POLK: variants seen among roughly 807,000 people sequenced by gnomAD.
POLK encodes DNA polymerase kappa.
A neutral mutation model predicts 94.0 loss-of-function variants in POLK; 76 were observed. That is an observed-to-expected ratio of 0.81 (90% CI 0.67 to 0.98). The LOEUF (loss-of-function observed/expected upper bound fraction) is 0.98, where lower values mean the gene tolerates loss of function less well. Among genes scored for constraint, POLK ranks in the 50% least tolerant of loss-of-function variants. POLK has a pLI of 0.00. For missense variants in POLK, 954 were observed against 1,010.1 expected (o/e 0.94, Z 0.75); for synonymous variants, 349 against 325.4 (o/e 1.07, Z -0.78).
rs138296662 is a variant in POLK, at chr5:75,522,545, A to G, written c.-14+10631A>G. Among the ~76,000 whole-genome samples, 755 of 152,340 alleles carry G rather than the reference A, an allele frequency of 5.0e-3. 5 individuals carry two copies. The highest frequency in any genetic ancestry group is 0.024 in the Middle Eastern group (7 of 294). On this transcript the variant is annotated intron_variant, in intron 1 of 14. Transcript: ENST00000241436. ...AGAAGACTGCAAAAATGAGGTTTCTATGCTTTTCTGCTTTCAAAGATGTTA... is the reference window on the plus strand; with the variant it reads ...AGAAGACTGCAAAAATGAGGTTTCTGTGCTTTTCTGCTTTCAAAGATGTTA...
exon 1 of POLK, chr5:75,511,790 A>G (rs202137230): frequency 1.4e-5 from 22 of 1,551,290 alleles, no homozygotes; most frequent in Non-Finnish European, 1.7e-5. Context: ...ACGGGTAGAA[A>G]AGCAGGAGGA....
chr5:75,551,383 A>G (rs1770323256), intron 2 of POLK, among the ~76,000 whole-genome samples: 1 of 152,094 alleles, frequency 6.6e-6, no homozygotes. Context: ...CCTGGGCAAC[A>G]TAATGAGACC....
Position 75,591,903 on chromosome 5 carries a change from C to T in POLK, c.1356+1463C>T, listed in dbSNP as rs563026746. Among the ~76,000 whole-genome samples, 46 of 152,214 alleles carry T rather than the reference C, an allele frequency of 3.0e-4. 1 individual carries two copies. The South Asian group carries it at 5.4e-3, about 18-fold the overall frequency. ...CATCCTATCATGGGGTGTATAATAG[C>T]CACATGATGTCATGGTTGATATTAA... On this transcript the variant is annotated intron_variant, in intron 11 of 14. Coordinates refer to ENST00000241436, the Ensembl canonical transcript of POLK.
intron 4 of POLK, 31 bp from the exon 5 acceptor site, chr5:75,573,707 A>G: frequency 1.3e-6 from 2 of 1,592,836 alleles, no homozygotes; most frequent in East Asian, 2.2e-5. Flanking sequence ...AGGTTTGTGT[A>G]TTTTTTTCCA....
intron 9 of POLK, 101 bp from the exon 10 acceptor site, chr5:75,586,925 A>T (rs1772501785): frequency 2.6e-6 from 2 of 772,168 alleles, no homozygotes; most frequent in South Asian, 3.5e-5. Flanking sequence ...TTAATAAAAA[A>T]TTTGAGAGCT....
intron 1 of POLK, chr5:75,512,757 A>T (rs375860111): frequency 5.3e-5 from 8 of 151,952 alleles, no homozygotes; most frequent in East Asian, 1.9e-4. Flanking sequence ...TGCCAAGAGT[A>T]AAATTTGTTA....
exon 3 of POLK, chr5:75,552,561 C>T (rs1033683379): frequency 1.9e-6 from 3 of 1,610,084 alleles, no homozygotes; most frequent in Admixed American, 1.7e-5. Flanking sequence ...CTCAAATCAC[C>T]AGCCAACAGC....
chr5:75,544,093 T>G (rs1769886227), intron 1 of POLK, among the ~76,000 whole-genome samples: 1 of 152,226 alleles, frequency 6.6e-6, no homozygotes, highest in East Asian at 1.9e-4. Context: ...TGCCTTGGCC[T>G]CACAAAGTGC....
chr5:75,536,939 T>A (rs1225426587), intron 1 of POLK, among the ~76,000 whole-genome samples: 1 of 152,118 alleles, frequency 6.6e-6, no homozygotes, highest in African/African-American at 2.4e-5. Flanking sequence ...GACAGAAAGC[T>A]GCATCCTTCA....
At chr5:75,512,099 C>T (rs1580885496) in intron 1 of POLK, 185 bp downstream of exon 1, 1 of 298,844 alleles carries the variant, frequency 3.3e-6, no homozygotes, top group Non-Finnish European at 6.3e-6. Context: ...GATGACGGGC[C>T]TGCTTTCCAG....
chr5:75,601,380 G>A (rs140971052), downstream of POLK, among the ~76,000 whole-genome samples: 76 of 151,542 alleles, frequency 5.0e-4, no homozygotes, highest in Admixed American at 3.1e-3. Flanking sequence ...TTTTTTTGCC[G>A]TTTGTGATGG....
At chr5:75,597,901 T>C (rs1773177738) in intron 14 of POLK, 33 bp from the exon 15 acceptor site, 2 of 1,217,976 alleles carry the variant, frequency 1.6e-6, no homozygotes, top group Non-Finnish European at 2.3e-6. Flanking sequence ...AATCTCTTCC[T>C]GCATTTTAAT....
chr5:75,543,009 C>CCTTA (rs1554054408), intron 1 of POLK, among the ~76,000 whole-genome samples: 3 of 133,956 alleles, frequency 2.2e-5, no homozygotes, highest in Non-Finnish European at 3.2e-5. Flanking sequence ...CCGCGCCCAG[C>CCTTA]CTTATTTATT....
chr5:75,527,900 A>T (rs548317306), intron 1 of POLK, among the ~76,000 whole-genome samples: 1 of 152,312 alleles, frequency 6.6e-6, no homozygotes, highest in Admixed American at 6.5e-5. Flanking sequence ...GAAACAACCT[A>T]ACTGCTGTCA....
chr5:75,525,137 T>A (rs1768773373), intron 1 of POLK, among the ~76,000 whole-genome samples: 1 of 152,164 alleles, frequency 6.6e-6, no homozygotes, highest in Non-Finnish European at 1.5e-5. Flanking sequence ...TTACTTGATA[T>A]ATGAGCCAGG....
At chr5:75,527,500 T>TAC (rs1485138400) in intron 1 of POLK, among the ~76,000 whole-genome samples, 64 of 116,078 alleles carry the variant, frequency 5.5e-4, no homozygotes, top group African/African-American at 1.1e-3. Flanking sequence ...AAAATTTATA[T>TAC]ATACACACAC....
rs534806060 is a variant in POLK at position 75,546,942 on chromosome 5, C to T, written c.-13-68C>T. On this transcript the variant is annotated intron_variant, in intron 1 of 14. Transcript: ENST00000241436. ...TCGGCCTCCCAAAGTGCTAGGATTA[C>T]GGGCATGAGCCACCACGCCTGGCCA... 2.9e-4 allele frequency: 215 copies of T among 745,730 alleles called. 1 individual carries two copies. The South Asian group carries it at 5.8e-3, about 20-fold the overall frequency. The allele number at this position is 745,730 out of a possible 1,614,324, so 46.2% of individuals were successfully genotyped here. A position where few individuals can be genotyped will look rare whatever the true frequency, so the allele number is the denominator to read the frequency against.
At chr5:75,558,438 T>C (rs1301509852) in intron 3 of POLK, among the ~76,000 whole-genome samples, 1 of 152,142 alleles carries the variant, frequency 6.6e-6, no homozygotes, top group Non-Finnish European at 1.5e-5. Flanking sequence ...TAAGTGGTGA[T>C]TCACTTGTCC....
chr5:75,588,089 G>C (rs1448241487), intron 10 of POLK, among the ~76,000 whole-genome samples: 2 of 151,516 alleles, frequency 1.3e-5, no homozygotes, highest in East Asian at 1.9e-4. Flanking sequence ...AGCAATCAAA[G>C]AGAGAGAGAA....
Sources: gnomAD v4.1 joint callset for allele counts (sites outside exome capture counted in the v4.1 genomes callset) on GRCh38, gnomAD v4.1.1 for gene constraint, MANE v1.5 for transcripts, NCBI Gene and HGNC (gene_info 2026-07-23, HGNC 2026-07-21) for gene names.